The following TECTA variants were observed in gnomAD, a reference collection of about 807,000 sequenced individuals.
The protein encoded by TECTA is alpha-tectorin.
Under a neutral mutation model 216.8 loss-of-function variants are expected in TECTA, and 128 were observed. The ratio of observed to expected loss-of-function variants is 0.59; its 90% CI spans 0.51 to 0.68. The LOEUF (loss-of-function observed/expected upper bound fraction) is 0.68, where lower values mean the gene tolerates loss of function less well. Ranked by LOEUF, TECTA falls within the 30% of genes least tolerant of loss-of-function variation. TECTA has a pLI of 0.00. For synonymous variants in TECTA, 1,089 were observed against 1,117.1 expected, an observed-to-expected ratio of 0.97 and a Z score of 0.50; for missense variants, 2,551 against 2,786.2, an observed-to-expected ratio of 0.92 and a Z score of 1.90.
intron 20 of TECTA, among the ~76,000 whole-genome samples, chr11:121,175,422 C>T (rs1340308394): frequency 6.6e-6 from 1 of 152,132 alleles, no homozygotes; most frequent in Non-Finnish European, 1.5e-5. Flanking sequence ...CAAAGAACAT[C>T]TTTATTTCTG....
At position 121,160,347 on chromosome 11, in the gene TECTA, G is replaced by A. The variant is rs1241633997; in HGVS notation, c.4902G>A (p.Val1634=). The change falls in exon 15 of 24, where the codon GTG becomes GTA. Residue 1634 remains valine (V), a synonymous_variant. Coordinates refer to ENST00000392793, the MANE Select transcript of TECTA (RefSeq NM_005422.4). ...NFNGDLTDDY[V]TLRGKPVVSS... is the part of the protein sequence containing the mutation. ...ACGGGGACCTAACAGATGATTATGT[G>A]ACCTTGCGAGGGAAGCCGGTGGTAA... The A allele has an allele frequency of 6.2e-7, 1 of 1,613,972 alleles. No homozygotes were observed. The highest frequency in any genetic ancestry group is 1.7e-5 in the Admixed American group (1 of 60,008).
intron 11 of TECTA, among the ~76,000 whole-genome samples, chr11:121,139,508 T>C (rs892857140): frequency 3.3e-5 from 5 of 152,216 alleles, no homozygotes; most frequent in African/African-American, 1.2e-4. Context: ...CTGGCCAAGA[T>C]GGTGAAAGCC....
At chr11:121,158,760 C>G (rs993359412) in intron 14 of TECTA, among the ~76,000 whole-genome samples, 1 of 152,176 alleles carries the variant, frequency 6.6e-6, no homozygotes, top group Non-Finnish European at 1.5e-5. Flanking sequence ...GGAGGCTGCT[C>G]TTGGTGGATT....
At chr11:121,148,785 A>G (rs560998643) in intron 12 of TECTA, among the ~76,000 whole-genome samples, 1 of 152,338 alleles carries the variant, frequency 6.6e-6, no homozygotes, top group East Asian at 1.9e-4. Flanking sequence ...TCAATGGAAT[A>G]ATTTATTACT....
chr11:121,160,979 T>C (rs1946993096), intron 15 of TECTA, among the ~76,000 whole-genome samples: 1 of 152,238 alleles, frequency 6.6e-6, no homozygotes, highest in African/African-American at 2.4e-5. Context: ...CCAAAGGTTT[T>C]AAATTTAGGG....
In TECTA at chr11:121,132,173, A is replaced by AT. The variant is rs563851847; in HGVS notation, c.2941+1964dup. ...TTCTAATTCAATGGCTCCTGCATTC[A>AT]TTAGTTGGCATTCTACTGTAAAGAG... On this transcript the variant is annotated intron_variant, in intron 10 of 23. Coordinates refer to ENST00000392793, the MANE Select transcript of TECTA (RefSeq NM_005422.4). Among the ~76,000 whole-genome samples, 69 of 152,202 alleles carry AT rather than the reference A, an allele frequency of 4.5e-4. No homozygotes were observed. In the East Asian group the frequency reaches 0.013, roughly 29 times the overall value.
rs188255354 is a variant in TECTA at position 121,181,254 on chromosome 11, C to T, written c.6000-6578C>T. Among the ~76,000 whole-genome samples, 961 of 152,180 alleles carry T rather than the reference C, an allele frequency of 6.3e-3. 5 individuals carry two copies. The highest frequency in any genetic ancestry group is 9.5e-3 in the Non-Finnish European group (645 of 68,010). On this transcript the variant is annotated intron_variant, in intron 20 of 23. Coordinates refer to ENST00000392793, the MANE Select transcript of TECTA (RefSeq NM_005422.4). ...ATTTCATTCATTGAATTCTTCAGTT[C>T]CAAAATTTCTGTTTGGTTCTTTTTA... is the stretch of plus-strand genomic sequence containing the variant.
intron 11 of TECTA, 84 bp from the exon 12 acceptor site, chr11:121,145,471 T>C: frequency 6.9e-7 from 1 of 1,451,466 alleles, no homozygotes; most frequent in Non-Finnish European, 9.7e-7. Flanking sequence ...CTGGGACTTG[T>C]CTTTCAAGAG....
intron 7 of TECTA, among the ~76,000 whole-genome samples, chr11:121,119,530 A>G (rs488766): frequency 0.22 from 33,962 of 152,064 alleles, 3,860 homozygotes; most frequent in African/African-American, 0.24. Flanking sequence ...GCAGGCCCCA[A>G]TTTTCATAAT....
At chr11:121,163,730 G>A (rs1947024694) in intron 16 of TECTA, among the ~76,000 whole-genome samples, 1 of 152,146 alleles carries the variant, frequency 6.6e-6, no homozygotes, top group African/African-American at 2.4e-5. Flanking sequence ...CTCTATCTAA[G>A]GGCATGTCTT....
At chr11:121,160,639 ACT>A (rs1457108406) in intron 15 of TECTA, among the ~76,000 whole-genome samples, 1 of 152,102 alleles carries the variant, frequency 6.6e-6, no homozygotes, top group African/African-American at 2.4e-5. Flanking sequence ...AGATGATATA[ACT>A]CTAATTTTCA....
At chr11:121,125,188 G>C (rs1946595765) in intron 7 of TECTA, 114 bp from the exon 8 acceptor site, 1 of 1,094,532 alleles carries the variant, frequency 9.1e-7, no homozygotes, top group African/African-American at 1.5e-5. Context: ...GGACCGTTTA[G>C]GTGGCCATTC....
intron 7 of TECTA, 103 bp downstream of exon 7, chr11:121,118,821 C>G (rs765140639): frequency 1.4e-6 from 2 of 1,480,530 alleles, no homozygotes; most frequent in Non-Finnish European, 1.9e-6. Context: ...TGTCTCTGTA[C>G]AGTGCCAAAG....
At chr11:121,165,707 C>T (rs572676523) in intron 17 of TECTA, among the ~76,000 whole-genome samples, 7 of 152,222 alleles carry the variant, frequency 4.6e-5, no homozygotes, top group South Asian at 2.1e-4. Context: ...ATAATTAGGA[C>T]GAATGTTATT....
At chr11:121,164,703 A>G (rs556575500) in intron 16 of TECTA, among the ~76,000 whole-genome samples, 2 of 152,240 alleles carry the variant, frequency 1.3e-5, no homozygotes, top group South Asian at 4.2e-4. Context: ...AATCAAGTAG[A>G]AGATCATGGG....
At position 121,128,033 on chromosome 11, in the gene TECTA, T is replaced by C; in HGVS notation, c.2056T>C (p.Phe686Leu). ...LCEEGGDVYC[F>L]NKTCGSGEVC... ...CGAGGAGGGCGGGGACGTCTACTGC[T>C]TCAACAAGACCTGCGGCAGCGGGGA... is the stretch of plus-strand genomic sequence containing the variant. The change falls in exon 9 of 24, where the codon TTC becomes CTC. Residue 686 changes from phenylalanine to leucine, a missense_variant. Physicochemically the swap from Phe to Leu is conservative, Grantham distance 22. Coordinates refer to ENST00000392793, the MANE Select transcript of TECTA (RefSeq NM_005422.4). 6.2e-7 allele frequency: 1 copy of C among 1,613,244 alleles called. No individual in the cohort carries two copies. The highest frequency in any genetic ancestry group is 8.5e-7 in the Non-Finnish European group (1 of 1,179,698).
chr11:121,102,478 T>C (rs1342147272), intron 1 of TECTA, among the ~76,000 whole-genome samples, 187 bp from the exon 2 acceptor site: 1 of 152,220 alleles, frequency 6.6e-6, no homozygotes, highest in East Asian at 1.9e-4. Flanking sequence ...GTTCATGAAG[T>C]GTTGAACTTC....
intron 9 of TECTA, among the ~76,000 whole-genome samples, chr11:121,128,770 G>T (rs541173050): frequency 1.3e-5 from 2 of 152,290 alleles, no homozygotes; most frequent in South Asian, 4.2e-4. Context: ...TCCAGAATCT[G>T]CGCTCTTAAC....
At chr11:121,117,896 G>A (rs1406329578) in intron 6 of TECTA, among the ~76,000 whole-genome samples, 3 of 152,240 alleles carry the variant, frequency 2.0e-5, no homozygotes, top group African/African-American at 7.2e-5. Context: ...CAAGCAAACA[G>A]TGAGTGTTGC....
Sources: gnomAD v4.1 joint callset for allele counts (sites outside exome capture counted in the v4.1 genomes callset) on GRCh38, gnomAD v4.1.1 for gene constraint, MANE v1.5 for transcripts, NCBI Gene and HGNC (gene_info 2026-07-23, HGNC 2026-07-21) for gene names.